PRKCA: variants seen among roughly 807,000 people sequenced by gnomAD.
The protein encoded by PRKCA is protein kinase C alpha type.
Under a neutral mutation model 87.0 loss-of-function variants are expected in PRKCA, and 27 were observed. The observed-to-expected ratio is 0.31, with a 90% confidence interval of 0.23 to 0.43. The LOEUF (loss-of-function observed/expected upper bound fraction) is 0.43. Ranked by LOEUF, PRKCA falls within the 20% of genes least tolerant of loss-of-function variation. The pLI, the probability that PRKCA is intolerant of heterozygous loss-of-function variation, is 1.00. For missense variants in PRKCA, 518 were observed against 852.3 expected, an observed-to-expected ratio of 0.61 and a Z score of 4.88; for synonymous variants, 329 against 311.1, an observed-to-expected ratio of 1.06 and a Z score of -0.61.
chr17:66,720,346 T>A (rs1319246610), intron 8 of PRKCA, among the ~76,000 whole-genome samples: 2 of 152,328 alleles, frequency 1.3e-5, no homozygotes, highest in African/African-American at 4.8e-5. Context: ...TTTTATTTAC[T>A]CTAACTGTGC....
At chr17:66,381,337 A>G (rs1909766823) in intron 2 of PRKCA, among the ~76,000 whole-genome samples, 4 of 152,128 alleles carry the variant, frequency 2.6e-5, no homozygotes, top group Admixed American at 2.0e-4. Context: ...TAGGCCAATT[A>G]TGAGTCAGTT....
intron 2 of PRKCA, among the ~76,000 whole-genome samples, chr17:66,485,101 T>C (rs977923570): frequency 1.3e-5 from 2 of 152,186 alleles, no homozygotes; most frequent in Admixed American, 6.5e-5. Flanking sequence ...TCTGAGCTCC[T>C]TGAGGGCAGA....
intron 16 of PRKCA, among the ~76,000 whole-genome samples, chr17:66,795,665 A>C (rs988165948): frequency 7.2e-5 from 11 of 152,232 alleles, no homozygotes; most frequent in Admixed American, 7.2e-4. Context: ...TGACGGCATA[A>C]ATACAGACCC....
At chr17:66,654,588 C>G (rs542495036) in intron 5 of PRKCA, among the ~76,000 whole-genome samples, 1 of 152,344 alleles carries the variant, frequency 6.6e-6, no homozygotes, top group African/African-American at 2.4e-5. Context: ...TTACTCACAG[C>G]TGTTTCCCTT....
At chr17:66,719,123 G>A (rs1335801405) in intron 8 of PRKCA, among the ~76,000 whole-genome samples, 1 of 152,130 alleles carries the variant, frequency 6.6e-6, no homozygotes, top group Non-Finnish European at 1.5e-5. Context: ...GGACTTCAAG[G>A]ATGCACACAT....
intron 3 of PRKCA, among the ~76,000 whole-genome samples, chr17:66,531,450 A>T (rs1378342764): frequency 6.6e-6 from 1 of 152,134 alleles, no homozygotes; most frequent in Non-Finnish European, 1.5e-5. Flanking sequence ...GAACTCCCCC[A>T]TTGACCCTAA....
chr17:66,316,167 C>T (rs1484260067), intron 2 of PRKCA, among the ~76,000 whole-genome samples: 2 of 152,170 alleles, frequency 1.3e-5, no homozygotes, highest in African/African-American at 4.8e-5. Context: ...GAGTAGTAGA[C>T]TGAGAGAGCC....
intron 8 of PRKCA, among the ~76,000 whole-genome samples, chr17:66,693,325 G>A (rs930500261): frequency 6.6e-5 from 10 of 152,144 alleles, no homozygotes; most frequent in East Asian, 3.9e-4. Flanking sequence ...TCTGTTCCAC[G>A]TTTGTCATCA....
At chr17:66,495,477 T>C (rs1916428940) in intron 2 of PRKCA, among the ~76,000 whole-genome samples, 1 of 151,976 alleles carries the variant, frequency 6.6e-6, no homozygotes, top group African/African-American at 2.4e-5. Flanking sequence ...ACAATGTTTA[T>C]ATACATTTAT....
At chr17:66,327,366 CAAAAAAAA>C (rs769256839) in intron 2 of PRKCA, among the ~76,000 whole-genome samples, 879 of 80,014 alleles carry the variant, frequency 0.011, 8 homozygotes, top group Non-Finnish European at 0.016. Flanking sequence ...AACTCTGTCT[CAAAAAAAA>C]AAAAAAAAAA....
chr17:66,731,417 G>A (rs1164592593), intron 8 of PRKCA, among the ~76,000 whole-genome samples: 1 of 151,762 alleles, frequency 6.6e-6, no homozygotes, highest in East Asian at 1.9e-4. Context: ...CAGGGATGTG[G>A]CTGTGGAGGT....
At chr17:66,738,987 A>G (rs754863824) in intron 11 of PRKCA, 132 bp downstream of exon 11, 1 of 674,758 alleles carries the variant, frequency 1.5e-6, no homozygotes, top group Non-Finnish European at 2.6e-6. Flanking sequence ...GGCTCGGGTG[A>G]TTCTCCCACC....
At chr17:66,799,632 TGGTGGTGGTGATGGTGGTGGTAGTGAC>T (rs1975845672) in intron 16 of PRKCA, among the ~76,000 whole-genome samples, 1 of 37,016 alleles carries the variant, frequency 2.7e-5, no homozygotes, top group Non-Finnish European at 5.6e-5. Context: ...GTGATGGTAA[TGGTGGTGGTGATGGTGGTGGTAGTGAC>T]GGTGGTGGTG....
intron 5 of PRKCA, among the ~76,000 whole-genome samples, chr17:66,647,162 T>C (rs976945891): frequency 6.6e-6 from 1 of 152,154 alleles, no homozygotes; most frequent in Admixed American, 6.5e-5. Flanking sequence ...CTCTTGTTTC[T>C]CTTTCCTACT....
rs1240829740 is a variant in PRKCA, at chr17:66,739,272, C to T, written c.1322+417C>T. ...ATGTTATAAACCTAAACATGGGAGGCGGAGGGCAGATATACTGGTAGGATC... is the reference window on the plus strand; with the variant it reads ...ATGTTATAAACCTAAACATGGGAGGTGGAGGGCAGATATACTGGTAGGATC... On this transcript the variant is annotated intron_variant, in intron 11 of 16. Transcript: ENST00000413366. Among the ~76,000 whole-genome samples, 4 of 152,080 alleles carry T rather than the reference C, an allele frequency of 2.6e-5. No individual in the cohort carries two copies. In the East Asian group the frequency reaches 5.8e-4, roughly 22 times the overall value.
intron 2 of PRKCA, among the ~76,000 whole-genome samples, chr17:66,368,992 T>C (rs1015715788): frequency 6.6e-6 from 1 of 152,170 alleles, no homozygotes; most frequent in Non-Finnish European, 1.5e-5. Context: ...TCCGTGAGCT[T>C]TCTTCTCAAG....
intron 2 of PRKCA, 39 bp from the exon 3 acceptor site, chr17:66,496,162 C>A: frequency 1.3e-6 from 2 of 1,484,888 alleles, no homozygotes; most frequent in South Asian, 1.1e-5. Flanking sequence ...TATGTTAAAT[C>A]ATGTCTATTC....
intron 2 of PRKCA, among the ~76,000 whole-genome samples, chr17:66,390,092 G>A (rs1360861131): frequency 6.6e-6 from 1 of 152,118 alleles, no homozygotes; most frequent in Non-Finnish European, 1.5e-5. Flanking sequence ...GTGTGATGGC[G>A]CATGCCTGTA....
At chr17:66,333,113 C>T (rs193291880) in intron 2 of PRKCA, among the ~76,000 whole-genome samples, 7 of 152,260 alleles carry the variant, frequency 4.6e-5, no homozygotes, top group Admixed American at 4.6e-4. Flanking sequence ...ACCATTTGAC[C>T]AGTTACCTCT....
Sources: allele counts gnomAD v4.1 joint callset (sites outside exome capture counted in the v4.1 genomes callset), GRCh38; gene constraint gnomAD v4.1.1; transcripts MANE v1.5; gene names NCBI Gene and HGNC (gene_info 2026-07-23, HGNC 2026-07-21).